The following WDR72 variants were observed in gnomAD, a reference collection of about 807,000 sequenced individuals.
WDR72 encodes the protein WD repeat domain 72.
In WDR72, 120 loss-of-function variants were observed where a neutral mutation model predicts 124.2. That is an observed-to-expected ratio of 0.97 (90% CI 0.83 to 1.12). The LOEUF (loss-of-function observed/expected upper bound fraction) is 1.12, where lower values mean the gene tolerates loss of function less well. Among genes scored for constraint, WDR72 ranks in the 50% most tolerant of loss-of-function variants. The pLI is 0.00. For missense variants in WDR72, 1,387 were observed against 1,278.8 expected (o/e 1.08, Z -1.29); for synonymous variants, 452 against 441.7 (o/e 1.02, Z -0.29).
At chr15:53,742,150 A>C (rs934621291) in intron 1 of WDR72, among the ~76,000 whole-genome samples, 1 of 152,100 alleles carries the variant, frequency 6.6e-6, no homozygotes, top group African/African-American at 2.4e-5. Context: ...CTTTCTTCAG[A>C]CTCTTTATCT....
chr15:53,716,659 T>C lies in WDR72; in HGVS notation c.287A>G (p.Asn96Ser). 1 of 1,608,208 alleles carries C rather than the reference T, an allele frequency of 6.2e-7. No individual in the cohort carries two copies. Among genetic ancestry groups the C allele is most frequent in the Non-Finnish European group, 8.5e-7 (1 of 1,175,150 alleles). The change falls in exon 4 of 20, where the codon AAT (asparagine) becomes AGT (serine). Residue 96 changes from asparagine (N) to serine (S), a missense_variant. Transcript: ENST00000360509. ...TGTAGCCTTCTCCATGCACTGTCCA[T>C]TGGTGACATTCCAAACACACATCTC... is the stretch of plus-strand genomic sequence containing the variant. Reference protein sequence around the residue: ...NGEMCVWNVTNGQCMEKATLP... With the variant: ...NGEMCVWNVTSGQCMEKATLP...
rs553852475 is a variant in WDR72 at position 53,583,150 on chromosome 15, T to C, written c.3148+13929A>G. The stretch of plus-strand genomic sequence containing the variant: ...CAGTCTAGTGCCATTCTCCAACAAG[T>C]TGTATCATCATAGTAAAGCTATGCA... On this transcript the variant is annotated intron_variant, in intron 18 of 19. Coordinates refer to ENST00000360509, the MANE Select transcript of WDR72 (RefSeq NM_182758.4). Among the ~76,000 whole-genome samples, 6 of 152,138 alleles carry C rather than the reference T, an allele frequency of 3.9e-5. No individual in the cohort carries two copies. The South Asian group carries it at 6.2e-4, about 16-fold the overall frequency.
intron 1 of WDR72, among the ~76,000 whole-genome samples, chr15:53,750,449 C>T (rs911487855): frequency 6.6e-6 from 1 of 152,138 alleles, no homozygotes; most frequent in Non-Finnish European, 1.5e-5. Context: ...CCGAGTCAAC[C>T]AAGAGCTCTG....
rs754031142 is a variant in WDR72 at position 53,712,788 on chromosome 15, A to T, written c.695T>A (p.Phe232Tyr). Residue 232 changes from phenylalanine to tyrosine, a missense_variant, in exon 7 of 20, where the codon TTT (phenylalanine) becomes TAT (tyrosine). Physicochemically the swap from Phe to Tyr is conservative, Grantham distance 22 (BLOSUM62 3). Transcript: ENST00000360509. ...TTATAATACCTTCCAACATTTAGAA[A>T]ATACCACCAATAGAAGTCTCTCAGT... is the stretch of plus-strand genomic sequence containing the variant. Reference protein sequence around the residue: ...TYTERLLLVVFSKCWKVYDYC... With the variant: ...TYTERLLLVVYSKCWKVYDYC... The T allele has an allele frequency of 6.2e-7, 1 of 1,613,026 alleles. No homozygotes were observed. Among genetic ancestry groups the T allele is most frequent in the Non-Finnish European group, 8.5e-7 (1 of 1,179,222 alleles).
At chr15:53,739,723 G>A (rs1473677622) in intron 1 of WDR72, among the ~76,000 whole-genome samples, 3 of 151,982 alleles carry the variant, frequency 2.0e-5, no homozygotes, top group Non-Finnish European at 4.4e-5. Flanking sequence ...TTGAGACAAC[G>A]AAAATCACCA....
intron 13 of WDR72, among the ~76,000 whole-genome samples, chr15:53,676,585 C>T (rs759159875): frequency 6.6e-6 from 1 of 152,186 alleles, no homozygotes; most frequent in Non-Finnish European, 1.5e-5. Flanking sequence ...GCCCTCAGAC[C>T]TACAAGTGAA....
intron 1 of WDR72, among the ~76,000 whole-genome samples, chr15:53,748,900 T>C (rs2018707934): frequency 6.6e-6 from 1 of 152,210 alleles, no homozygotes; most frequent in South Asian, 2.1e-4. Flanking sequence ...AGTTTAAAAA[T>C]ATTTATTATC....
At chr15:53,670,643 A>G (rs1280519391) in intron 13 of WDR72, among the ~76,000 whole-genome samples, 5 of 152,212 alleles carry the variant, frequency 3.3e-5, no homozygotes, top group Non-Finnish European at 7.3e-5. Context: ...GGCCTTGGAC[A>G]AGTTACTTTA....
intron 18 of WDR72, among the ~76,000 whole-genome samples, chr15:53,532,792 A>C (rs1053828899): frequency 1.3e-5 from 2 of 152,112 alleles, no homozygotes; most frequent in African/African-American, 4.8e-5. Context: ...GAATGTTCCT[A>C]ACACAAAGAA....
At position 53,590,671 on chromosome 15, in the gene WDR72, G is replaced by C. The variant is rs558377802; in HGVS notation, c.3148+6408C>G. 3.9e-5 allele frequency among the ~76,000 whole-genome samples: 6 copies of C among 152,118 alleles called. No individual in the cohort carries two copies. In the South Asian group the frequency reaches 6.2e-4, roughly 16 times the overall value. ...CTCAGATTTCAAAGCCAGCCTGCCT[G>C]AGTTTGATTCCCCGCTCTGCCACTT... On this transcript the variant is annotated intron_variant, in intron 18 of 19. Transcript: ENST00000360509.
chr15:53,557,554 C>T lies in WDR72; in HGVS notation c.3149-34232G>A, dbSNP rs770763412. ...TCGCAAGAAACAATGCCTTGATCTACGAGCAATGTATGCCAGAAGGTAGGA... is the reference window on the plus strand; with the variant it reads ...TCGCAAGAAACAATGCCTTGATCTATGAGCAATGTATGCCAGAAGGTAGGA... On this transcript the variant is annotated intron_variant, in intron 18 of 19. Transcript: ENST00000360509. Among the ~76,000 whole-genome samples the T allele has an allele frequency of 7.2e-5, 11 of 151,966 alleles. No homozygotes were observed. In the East Asian group the frequency reaches 9.7e-4, roughly 13 times the overall value.
At chr15:53,641,401 A>T (rs1441063643) in intron 14 of WDR72, among the ~76,000 whole-genome samples, 4 of 151,944 alleles carry the variant, frequency 2.6e-5, no homozygotes, top group African/African-American at 9.7e-5. Flanking sequence ...AGACAGAGAG[A>T]TAATATGTTT....
At position 53,740,363 on chromosome 15, in the gene WDR72, A is replaced by G. The variant is rs561187349; in HGVS notation, c.-12-7202T>C. Among the ~76,000 whole-genome samples the G allele has an allele frequency of 2.2e-3, 328 of 147,970 alleles. 3 individuals carry two copies. In the Middle Eastern group the frequency reaches 0.024, roughly 11 times the overall value. ...CTCTCTGTCGCCCAGGCTGGAGTGC[A>G]GTGGCGCGATCTCAGCTCACTGTAA... is the stretch of plus-strand genomic sequence containing the variant. On this transcript the variant is annotated intron_variant, in intron 1 of 19. Coordinates refer to ENST00000360509, the MANE Select transcript of WDR72 (RefSeq NM_182758.4).
chr15:53,667,448 A>G (rs1343802914), intron 13 of WDR72, among the ~76,000 whole-genome samples: 2 of 152,116 alleles, frequency 1.3e-5, no homozygotes, highest in Admixed American at 6.6e-5. Context: ...AAATATTGAT[A>G]TATCTTCTGA....
chr15:53,613,773 T>G lies in WDR72; in HGVS notation c.2781-16A>C. On this transcript the variant is annotated splice_polypyrimidine_tract_variant and intron_variant, in intron 15 of 19. Coordinates refer to ENST00000360509, the MANE Select transcript of WDR72 (RefSeq NM_182758.4). ...TCTGAAAGAACTGTTAGAAAAAAGATTGACAGCATATTACTAAAAAGCATG... is the reference window on the plus strand; with the variant it reads ...TCTGAAAGAACTGTTAGAAAAAAGAGTGACAGCATATTACTAAAAAGCATG... 1 of 1,514,406 alleles carries G rather than the reference T, an allele frequency of 6.6e-7. No homozygotes were observed. The allele number at this position is 1,514,406 out of a possible 1,614,324, so 93.8% of individuals were successfully genotyped here.
At chr15:53,706,491 T>C (rs1003284564) in intron 9 of WDR72, among the ~76,000 whole-genome samples, 6 of 150,812 alleles carry the variant, frequency 4.0e-5, no homozygotes, top group African/African-American at 1.5e-4. Flanking sequence ...ATTGTTTTCA[T>C]TTTACAGACA....
At chr15:53,709,972 A>G (rs2140542635) in intron 9 of WDR72, among the ~76,000 whole-genome samples, 1 of 152,190 alleles carries the variant, frequency 6.6e-6, no homozygotes, top group East Asian at 1.9e-4. Context: ...GTTTATGGAT[A>G]ATTAACTGAT....
In WDR72 at chr15:53,689,593, T is replaced by C. The variant is rs1245975886; in HGVS notation, c.1765+10157A>G. Among the ~76,000 whole-genome samples the C allele has an allele frequency of 2.0e-5, 3 of 146,500 alleles. No homozygotes were observed. In the East Asian group the frequency reaches 6.1e-4, roughly 30 times the overall value. ...AGGTGCTGGAGAGGATGTGGAGAAATAGGAACACTTTTACACTGTTGGTAG... is the reference window on the plus strand; with the variant it reads ...AGGTGCTGGAGAGGATGTGGAGAAACAGGAACACTTTTACACTGTTGGTAG... On this transcript the variant is annotated intron_variant, in intron 13 of 19. Coordinates refer to ENST00000360509, the MANE Select transcript of WDR72 (RefSeq NM_182758.4).
At chr15:53,639,480 T>TTATATAATTTTATTTATTTACAAAATTA (rs2014751663) in intron 14 of WDR72, among the ~76,000 whole-genome samples, 1 of 70,946 alleles carries the variant, frequency 1.4e-5, no homozygotes, top group Non-Finnish European at 3.2e-5. Flanking sequence ...AAATAAAATT[T>TTATATAATTTTATTTATTTACAAAATTA]TATATAATTT....
Sources: gnomAD v4.1 joint callset for allele counts (sites outside exome capture counted in the v4.1 genomes callset) on GRCh38, gnomAD v4.1.1 for gene constraint, MANE v1.5 for transcripts, NCBI Gene and HGNC (gene_info 2026-07-23, HGNC 2026-07-21) for gene names.